Variants in COBLL1 observed in about 807,000 individuals in gnomAD.
COBLL1 encodes the protein cordon-bleu WH2 repeat protein like 1.
A neutral mutation model predicts 94.8 loss-of-function variants in COBLL1; 50 were observed. That is an observed-to-expected ratio of 0.53 (90% CI 0.42 to 0.67). The LOEUF (loss-of-function observed/expected upper bound fraction) is 0.67. Ranked by LOEUF, COBLL1 falls within the 30% of genes least tolerant of loss-of-function variation. The pLI, the probability that COBLL1 is intolerant of heterozygous loss-of-function variation, is 0.00. For missense variants in COBLL1, 1,362 were observed against 1,348.7 expected, an observed-to-expected ratio of 1.01 and a Z score of -0.15; for synonymous variants, 448 against 473.8, an observed-to-expected ratio of 0.95 and a Z score of 0.71.
chr2:164,837,621 T>C, intron 2 of COBLL1: 1 of 382,438 alleles, frequency 2.6e-6, no homozygotes, highest in Non-Finnish European at 5.2e-6. Context: ...CACATACATA[T>C]GAAAACATAT....
At chr2:164,663,047 T>C (rs1691096950) in intron 2 of COBLL1, among the ~76,000 whole-genome samples, 1 of 152,210 alleles carries the variant, frequency 6.6e-6, no homozygotes, top group South Asian at 2.1e-4. Context: ...AGTAGACATA[T>C]TAAATGTATG....
At chr2:164,712,120 G>T (rs1422472988) in intron 7 of COBLL1, among the ~76,000 whole-genome samples, 1 of 152,082 alleles carries the variant, frequency 6.6e-6, no homozygotes, top group Non-Finnish European at 1.5e-5. Flanking sequence ...GAAGAAAATA[G>T]AATCAAACGG....
intron 2 of COBLL1, among the ~76,000 whole-genome samples, chr2:164,789,953 TAA>T (rs1176552436): frequency 6.6e-6 from 1 of 152,262 alleles, no homozygotes. Flanking sequence ...TGTTTGTTTT[TAA>T]AGTTTACCAT....
At chr2:164,789,020 A>AACACACACACACAC (rs56773751) in intron 2 of COBLL1, among the ~76,000 whole-genome samples, 1,874 of 141,598 alleles carry the variant, frequency 0.013, 35 homozygotes, top group Admixed American at 0.034. Flanking sequence ...TAGAGGTTTA[A>AACACACACACACAC]ACACACACAC....
chr2:164,742,512 A>G lies in COBLL1; in HGVS notation c.230+1175T>C, dbSNP rs75778077. ...AACTTTCAAGATGTCTTTCTCACAC[A>G]TACGAGGCCATCCACAGCTGCAGGT... On this transcript the variant is annotated intron_variant, in intron 3 of 13. Transcript: ENST00000652658. Among the ~76,000 whole-genome samples, 568 of 152,288 alleles carry G rather than the reference A, an allele frequency of 3.7e-3. 7 individuals are homozygous for G. The highest frequency in any genetic ancestry group is 0.013 in the African/African-American group (521 of 41,568).
intron 2 of COBLL1, among the ~76,000 whole-genome samples, chr2:164,808,752 T>A (rs999360093): frequency 6.6e-6 from 1 of 152,176 alleles, no homozygotes; most frequent in African/African-American, 2.4e-5. Flanking sequence ...TATTACTTTT[T>A]TAAAAACTTT....
chr2:164,794,692 GGGGC>G (rs1683351777), intron 2 of COBLL1, among the ~76,000 whole-genome samples: 1 of 152,106 alleles, frequency 6.6e-6, no homozygotes, highest in Non-Finnish European at 1.5e-5. Context: ...AAGACTTACT[GGGGC>G]TCAGTACATA....
At chr2:164,769,278 C>A (rs933186151) in intron 2 of COBLL1, among the ~76,000 whole-genome samples, 4 of 152,136 alleles carry the variant, frequency 2.6e-5, no homozygotes, top group African/African-American at 7.2e-5. Context: ...AGAACCTGCA[C>A]AAAGAATAAA....
At chr2:164,821,316 C>T (rs1304626832) in intron 2 of COBLL1, among the ~76,000 whole-genome samples, 4 of 152,084 alleles carry the variant, frequency 2.6e-5, no homozygotes, top group Non-Finnish European at 4.4e-5. Flanking sequence ...CTCTCCACAC[C>T]CAAGAGAATT....
intron 2 of COBLL1, among the ~76,000 whole-genome samples, chr2:164,820,376 C>T (rs748543341): frequency 9.9e-5 from 15 of 151,804 alleles, no homozygotes; most frequent in Non-Finnish European, 2.1e-4. Context: ...AATGTCACCA[C>T]ACCTGGCTAA....
chr2:164,776,167 A>G (rs780056971), intron 2 of COBLL1, among the ~76,000 whole-genome samples: 31 of 150,396 alleles, frequency 2.1e-4, no homozygotes, highest in Non-Finnish European at 3.8e-4. Context: ...CGGCATTCCA[A>G]TCTCTTCCAC....
chr2:164,817,361 TAAAA>T (rs10599487), intron 2 of COBLL1, among the ~76,000 whole-genome samples: 2 of 116,470 alleles, frequency 1.7e-5, no homozygotes, highest in African/African-American at 3.2e-5. Context: ...TGGTATATAT[TAAAA>T]AAAAAAAAAA....
chr2:164,832,601 A>T (rs1302869503), intron 2 of COBLL1, among the ~76,000 whole-genome samples: 2 of 152,212 alleles, frequency 1.3e-5, no homozygotes. Context: ...ATTTTCAAAT[A>T]TGTGGTATTT....
chr2:164,759,523 C>T (rs998923529), intron 2 of COBLL1, among the ~76,000 whole-genome samples: 1 of 152,000 alleles, frequency 6.6e-6, no homozygotes, highest in Non-Finnish European at 1.5e-5. Flanking sequence ...ATCAAAGGCA[C>T]AATCCATAGA....
At position 164,722,200 on chromosome 2, in the gene COBLL1, T is replaced by C; in HGVS notation, c.871A>G (p.Lys291Glu). The part of the protein sequence containing the change: ...ISNTLPSDAP[K>E]KRRAPLPPMP... The stretch of plus-strand genomic sequence containing the variant: ...GGGGGCAGTGGAGCCCGCCTCTTCT[T>C]GGGTGCATCCGACGGCAGGGTGTTG... Residue 291 changes from lysine to glutamate, a missense_variant, in exon 7 of 14, where the codon AAG becomes GAG. Transcript: ENST00000652658. 1.2e-6 allele frequency: 2 copies of C among 1,614,126 alleles called. No homozygotes were observed. The highest frequency in any genetic ancestry group is 1.7e-6 in the Non-Finnish European group (2 of 1,180,012).
chr2:164,789,217 A>G (rs1683048387), intron 2 of COBLL1, among the ~76,000 whole-genome samples: 3 of 152,090 alleles, frequency 2.0e-5, no homozygotes, highest in Non-Finnish European at 1.5e-5. Context: ...ACACATTAAG[A>G]TAGGGTATTA....
intron 13 of COBLL1, among the ~76,000 whole-genome samples, chr2:164,686,466 C>T (rs1480978228): frequency 6.6e-6 from 1 of 151,980 alleles, no homozygotes; most frequent in African/African-American, 2.4e-5. Flanking sequence ...AACGTGAAAT[C>T]CCCCTCCCAA....
chr2:164,807,569 T>G (rs1458046465), intron 2 of COBLL1, among the ~76,000 whole-genome samples: 13 of 152,194 alleles, frequency 8.5e-5, no homozygotes, highest in Admixed American at 8.5e-4. Context: ...TGAGTTGAAT[T>G]TCTTATTCAT....
At chr2:164,831,813 A>G (rs1218150769) in intron 2 of COBLL1, among the ~76,000 whole-genome samples, 1 of 152,214 alleles carries the variant, frequency 6.6e-6, no homozygotes, top group Admixed American at 6.5e-5. Flanking sequence ...CAGGCATAAA[A>G]AAAAGAGAAA....
Sources: gnomAD v4.1 joint callset for allele counts (sites outside exome capture counted in the v4.1 genomes callset) on GRCh38, gnomAD v4.1.1 for gene constraint, MANE v1.5 for transcripts, NCBI Gene and HGNC (gene_info 2026-07-23, HGNC 2026-07-21) for gene names.